PDS5A: variants seen among roughly 807,000 people sequenced by gnomAD.
PDS5A encodes PDS5 cohesin associated factor A.
Under a neutral mutation model 167.1 loss-of-function variants are expected in PDS5A, and 42 were observed. The observed-to-expected ratio is 0.25, with a 90% CI of 0.20 to 0.33. The LOEUF is 0.33. Ranked by LOEUF, PDS5A falls within the 10% of genes least tolerant of loss-of-function variation. The pLI, the probability that PDS5A is intolerant of heterozygous loss-of-function variation, is 1.00. For missense variants in PDS5A, 1,033 were observed against 1,605.9 expected, an observed-to-expected ratio of 0.64 and a Z score of 6.10; for synonymous variants, 553 against 554.6, an observed-to-expected ratio of 1.00 and a Z score of 0.04.
At chr4:39,838,567 T>A (rs554302167) in intron 31 of PDS5A, among the ~76,000 whole-genome samples, 42 of 152,052 alleles carry the variant, frequency 2.8e-4, no homozygotes, top group Non-Finnish European at 5.6e-4. Flanking sequence ...ACAAATAATT[T>A]AAAAAATTAG....
intron 32 of PDS5A, 139 bp from the exon 33 acceptor site, chr4:39,825,627 T>C (rs568661948): frequency 1.9e-4 from 116 of 613,160 alleles, no homozygotes; most frequent in Non-Finnish European, 2.9e-4. Context: ...TCTCACTCTG[T>C]CACTCAGGCT....
At chr4:39,916,410 A>G (rs1476588444) in intron 8 of PDS5A, among the ~76,000 whole-genome samples, 1 of 152,212 alleles carries the variant, frequency 6.6e-6, no homozygotes, top group Non-Finnish European at 1.5e-5. Context: ...GCAATACCAT[A>G]TGAGGATTAC....
At chr4:39,944,996 A>G (rs1727613395) in intron 2 of PDS5A, among the ~76,000 whole-genome samples, 1 of 152,122 alleles carries the variant, frequency 6.6e-6, no homozygotes, top group African/African-American at 2.4e-5. Flanking sequence ...AATAGTACTA[A>G]TAGCTGCTAA....
In PDS5A at chr4:39,842,056, C is replaced by T. The variant is rs764462830; in HGVS notation, c.3549G>A (p.Arg1183=). The change falls in exon 31 of 33, where the codon AGG becomes AGA. Residue 1183 remains arginine, a splice_region_variant and synonymous_variant. Coordinates refer to ENST00000303538, the MANE Select transcript of PDS5A (RefSeq NM_001100399.2). ...TTTCTGCTGCCTCTGAACTCTGTTC[C>T]CTGTTTAAAACAAATAAACCAAGAC... is the stretch of plus-strand genomic sequence containing the variant. The part of the protein sequence containing the change: ...ELNPSTGNRS[R]EQSSEAAETG... 1 of 1,572,694 alleles carries T rather than the reference C, an allele frequency of 6.4e-7. No homozygotes were observed. Among genetic ancestry groups the T allele is most frequent in the Non-Finnish European group, 8.8e-7 (1 of 1,142,488 alleles).
chr4:39,917,509 T>C (rs565213675), intron 7 of PDS5A, among the ~76,000 whole-genome samples: 1 of 152,306 alleles, frequency 6.6e-6, no homozygotes, highest in Non-Finnish European at 1.5e-5. Flanking sequence ...TCTGTGTAGT[T>C]CATTACAAAG....
chr4:39,960,558 T>C (rs1489928926), intron 2 of PDS5A, among the ~76,000 whole-genome samples: 1 of 152,126 alleles, frequency 6.6e-6, no homozygotes, highest in Non-Finnish European at 1.5e-5. Flanking sequence ...ACATTTTTTT[T>C]TTTTAAGAGA....
chr4:39,903,655 C>G (rs1459112483), intron 12 of PDS5A, among the ~76,000 whole-genome samples: 1 of 152,156 alleles, frequency 6.6e-6, no homozygotes, highest in Non-Finnish European at 1.5e-5. Context: ...TTTATTTAAT[C>G]TACATGATAA....
chr4:39,827,547 A>T (rs1233520898), intron 32 of PDS5A, among the ~76,000 whole-genome samples: 1 of 152,242 alleles, frequency 6.6e-6, no homozygotes, highest in African/African-American at 2.4e-5. Flanking sequence ...ACTAATATAT[A>T]GCTGTTTAAC....
intron 2 of PDS5A, among the ~76,000 whole-genome samples, chr4:39,961,762 G>A (rs1729497308): frequency 6.6e-6 from 1 of 152,110 alleles, no homozygotes; most frequent in Admixed American, 6.5e-5. Flanking sequence ...GAAAATAAAA[G>A]CCAACAGAAA....
At chr4:39,864,949 T>C (rs1167700189) in intron 23 of PDS5A, among the ~76,000 whole-genome samples, 2 of 152,202 alleles carry the variant, frequency 1.3e-5, no homozygotes, top group African/African-American at 4.8e-5. Flanking sequence ...AACATGCTTG[T>C]GTATAAGCTT....
intron 32 of PDS5A, among the ~76,000 whole-genome samples, chr4:39,828,808 T>G (rs1715551620): frequency 6.6e-6 from 1 of 152,190 alleles, no homozygotes; most frequent in Admixed American, 6.5e-5. Flanking sequence ...AGGTAAGCTC[T>G]TTTGAGATAT....
intron 26 of PDS5A, among the ~76,000 whole-genome samples, chr4:39,855,376 G>T (rs1327107740): frequency 6.6e-6 from 1 of 152,146 alleles, no homozygotes; most frequent in African/African-American, 2.4e-5. Context: ...AAGAGAGGAA[G>T]AACCAGATTT....
chr4:39,916,583 TG>T (rs1254497595), intron 8 of PDS5A, among the ~76,000 whole-genome samples: 1 of 152,148 alleles, frequency 6.6e-6, no homozygotes, highest in East Asian at 1.9e-4. Context: ...ATTATAATTT[TG>T]TGGCCAGGCG....
chr4:39,866,409 G>A (rs1242190898), intron 23 of PDS5A, among the ~76,000 whole-genome samples: 2 of 152,176 alleles, frequency 1.3e-5, no homozygotes, highest in Non-Finnish European at 2.9e-5. Flanking sequence ...AGGCCACCGC[G>A]CCTGGCTGCC....
intron 6 of PDS5A, among the ~76,000 whole-genome samples, chr4:39,922,414 AAATG>A (rs1202594252): frequency 2.0e-5 from 3 of 152,252 alleles, no homozygotes; most frequent in African/African-American, 4.8e-5. Context: ...AACAGCACTT[AAATG>A]AATGAAACTC....
At position 39,846,224 on chromosome 4, in the gene PDS5A, G is replaced by A. The variant is rs184614540; in HGVS notation, c.3340-344C>T. ...ACATCATAAATTCGGGCCGGGTGTG[G>A]TGACTCATGCCTGTGAGCCTCATCC... is the stretch of plus-strand genomic sequence containing the variant. On this transcript the variant is annotated intron_variant, in intron 28 of 32. Coordinates refer to ENST00000303538, the MANE Select transcript of PDS5A (RefSeq NM_001100399.2). 524 of 156,354 alleles carry A rather than the reference G, an allele frequency of 3.4e-3. 1 individual carries two copies. Among genetic ancestry groups the A allele is most frequent in the Non-Finnish European group, 5.7e-3 (404 of 70,976 alleles). 9.7% of individuals were successfully genotyped at this position (156,354 alleles called of 1,614,324 possible). A position where few individuals can be genotyped will look rare whatever the true frequency, so the allele number is the denominator to read the frequency against.
chr4:39,902,201 A>ATATAG, intron 13 of PDS5A, 146 bp downstream of exon 13: 1 of 529,850 alleles, frequency 1.9e-6, no homozygotes, highest in Non-Finnish European at 3.4e-6. Flanking sequence ...CATAAATCGT[A>ATATAG]ACATTTTGTC....
At chr4:39,907,656 G>A (rs1484744613) in intron 11 of PDS5A, among the ~76,000 whole-genome samples, 1 of 149,896 alleles carries the variant, frequency 6.7e-6, no homozygotes, top group Non-Finnish European at 1.5e-5. Context: ...GTGCAATCTC[G>A]GCTCACTGCA....
intron 28 of PDS5A, chr4:39,847,286 G>A (rs1305760483): frequency 6.6e-6 from 1 of 152,130 alleles, no homozygotes; most frequent in Admixed American, 6.6e-5. Context: ...GTCAGCAACA[G>A]GATTAATTTT....
Sources: gnomAD v4.1 joint callset for allele counts (sites outside exome capture counted in the v4.1 genomes callset) on GRCh38, gnomAD v4.1.1 for gene constraint, MANE v1.5 for transcripts, NCBI Gene and HGNC (gene_info 2026-07-23, HGNC 2026-07-21) for gene names.